PTPRO: variants seen among roughly 807,000 people sequenced by gnomAD.
The protein encoded by PTPRO is receptor-type tyrosine-protein phosphatase O.
A neutral mutation model predicts 145.2 loss-of-function variants in PTPRO; 62 were observed. The ratio of observed to expected loss-of-function variants is 0.43; its 90% CI spans 0.35 to 0.53. The LOEUF (loss-of-function observed/expected upper bound fraction) is 0.53. PTPRO is among the 20% of genes least tolerant of loss of function. PTPRO has a pLI of 0.01. For missense variants in PTPRO, 1,345 were observed against 1,482.7 expected, an observed-to-expected ratio of 0.91 and a Z score of 1.53; for synonymous variants, 565 against 514.7, an observed-to-expected ratio of 1.10 and a Z score of -1.32.
chr12:15,486,192 T>G (rs1941882191), intron 2 of PTPRO, among the ~76,000 whole-genome samples: 2 of 152,242 alleles, frequency 1.3e-5, no homozygotes, highest in African/African-American at 4.8e-5. Flanking sequence ...TATTTTGGTT[T>G]ATGCTTTACA....
In PTPRO at chr12:15,371,928, T is replaced by C. The variant is rs536197692; in HGVS notation, c.75+49127T>C. Among the ~76,000 whole-genome samples, 139 of 152,300 alleles carry C rather than the reference T, an allele frequency of 9.1e-4. 1 individual carries two copies. The highest frequency in any genetic ancestry group is 1.2e-3 in the Non-Finnish European group (81 of 68,024). On this transcript the variant is annotated intron_variant, in intron 1 of 26. Transcript: ENST00000281171. ...TCCACTTCACCTTCTGCTGTGATCG[T>C]AAGTTTCCTGAGGCCTCTCCAGTCA...
At chr12:15,559,479 A>C (rs1943719062) in intron 16 of PTPRO, among the ~76,000 whole-genome samples, 1 of 152,208 alleles carries the variant, frequency 6.6e-6, no homozygotes, top group Non-Finnish European at 1.5e-5. Flanking sequence ...GAAACCAGGC[A>C]TTTAAATCAA....
chr12:15,545,466 A>G (rs1943264802), intron 12 of PTPRO, among the ~76,000 whole-genome samples: 1 of 150,730 alleles, frequency 6.6e-6, no homozygotes, highest in Non-Finnish European at 1.5e-5. Context: ...ACAACATCCA[A>G]AAGACAGGGT....
intron 18 of PTPRO, among the ~76,000 whole-genome samples, chr12:15,568,997 C>T (rs1239200026): frequency 6.6e-6 from 1 of 152,184 alleles, no homozygotes; most frequent in Non-Finnish European, 1.5e-5. Flanking sequence ...AACATTGACT[C>T]TGAAGAGTTA....
intron 1 of PTPRO, among the ~76,000 whole-genome samples, chr12:15,437,711 C>G (rs1348861005): frequency 6.6e-6 from 1 of 152,192 alleles, no homozygotes; most frequent in East Asian, 1.9e-4. Flanking sequence ...ATCTGAAGCA[C>G]CCACTCTCCT....
Position 15,322,833 on chromosome 12 carries a change from CG to C in PTPRO, c.75+34del. ...GAGCTCCTCCACCCCTTTTTCCCAG[CG>C]GTCCGGGCGGCAGCCGCGCTCCGGC... On this transcript the variant is annotated intron_variant, in intron 1 of 26. Coordinates refer to ENST00000281171, the MANE Select transcript of PTPRO (RefSeq NM_030667.3). The surrounding 1 kb of genome is among the most constrained non-coding windows in gnomAD (Gnocchi z 6.3). 6.3e-7 allele frequency: 1 copy of C among 1,597,338 alleles called. No homozygotes were observed. Among genetic ancestry groups the C allele is most frequent in the Non-Finnish European group, 8.5e-7 (1 of 1,171,928 alleles).
At chr12:15,448,889 T>G (rs765229013) in intron 1 of PTPRO, among the ~76,000 whole-genome samples, 2 of 151,998 alleles carry the variant, frequency 1.3e-5, no homozygotes, top group Admixed American at 6.6e-5. Context: ...CAAGACATTA[T>G]GCTAAGTGAA....
intron 1 of PTPRO, among the ~76,000 whole-genome samples, chr12:15,412,062 C>A (rs1481046255): frequency 6.6e-6 from 1 of 152,218 alleles, no homozygotes; most frequent in Non-Finnish European, 1.5e-5. Context: ...TCTCTTCAGA[C>A]CCTGTGTCAG....
At chr12:15,433,333 G>C (rs774054181) in intron 1 of PTPRO, among the ~76,000 whole-genome samples, 16 of 152,008 alleles carry the variant, frequency 1.1e-4, no homozygotes, top group Non-Finnish European at 2.1e-4. Flanking sequence ...GTGCCACCAT[G>C]CTCGGCTAAC....
chr12:15,562,665 C>G (rs532278674), intron 17 of PTPRO, among the ~76,000 whole-genome samples: 1 of 151,882 alleles, frequency 6.6e-6, no homozygotes, highest in African/African-American at 2.4e-5. Flanking sequence ...TTCTGACTTT[C>G]AGAACTTAAG....
chr12:15,406,224 A>G (rs1027260558), intron 1 of PTPRO, among the ~76,000 whole-genome samples: 10 of 152,202 alleles, frequency 6.6e-5, no homozygotes, highest in African/African-American at 2.4e-4. Context: ...CATGCAATCT[A>G]TCTTCTGCTG....
rs552861208 is a variant in PTPRO, at chr12:15,484,007, GATA to G, written c.114_116del (p.Asn39del). 1.7e-4 allele frequency: 280 copies of G among 1,613,450 alleles called. No homozygotes were observed. Among genetic ancestry groups the G allele is most frequent in the Non-Finnish European group, 2.3e-4 (268 of 1,179,574 alleles). ...AGCTTTCCATGTAACTGTCCAAGAT[GATA>G]ATAACATCGTTGTCTCATTAGAAGC... On this transcript the variant is annotated inframe_deletion, in exon 2 of 27. Transcript: ENST00000281171.
At chr12:15,518,338 G>A (rs71459182) in intron 9 of PTPRO, among the ~76,000 whole-genome samples, 1 of 152,184 alleles carries the variant, frequency 6.6e-6, no homozygotes, top group Non-Finnish European at 1.5e-5. Flanking sequence ...CACAGCACAG[G>A]GACCCTGGGC....
intron 4 of PTPRO, among the ~76,000 whole-genome samples, chr12:15,501,339 G>A (rs1591657806): frequency 6.6e-6 from 1 of 152,096 alleles, no homozygotes; most frequent in East Asian, 1.9e-4. Flanking sequence ...TCTGCTTTTA[G>A]AAGTGGTTGA....
At position 15,568,621 on chromosome 12, in the gene PTPRO, G is replaced by GCTC. The variant is rs539158457; in HGVS notation, c.2748-796_2748-795insCTC. Among the ~76,000 whole-genome samples, 527 of 152,268 alleles carry GCTC rather than the reference G, an allele frequency of 3.5e-3. 1 individual carries two copies. Among genetic ancestry groups the GCTC allele is most frequent in the Non-Finnish European group, 5.4e-3 (368 of 68,022 alleles). The stretch of plus-strand genomic sequence containing the variant: ...CTACTTTAGAGAGCAAATTGGTTTA[G>GCTC]GTAGGCTCTAGAGGAGATAAGCAGC... On this transcript the variant is annotated intron_variant, in intron 18 of 26. Transcript: ENST00000281171.
intron 1 of PTPRO, among the ~76,000 whole-genome samples, chr12:15,360,094 G>A (rs762425701): frequency 2.0e-5 from 3 of 152,094 alleles, no homozygotes; most frequent in Non-Finnish European, 2.9e-5. Flanking sequence ...TCAAATGTGG[G>A]CCCTTCCCTC....
chr12:15,506,514 G>A (rs2099867920), intron 6 of PTPRO, among the ~76,000 whole-genome samples: 1 of 152,168 alleles, frequency 6.6e-6, no homozygotes, highest in Non-Finnish European at 1.5e-5. Context: ...GCATGGCCAG[G>A]GAGGTCTCAG....
intron 12 of PTPRO, among the ~76,000 whole-genome samples, chr12:15,541,407 A>G (rs970994881): frequency 1.3e-5 from 2 of 152,142 alleles, no homozygotes; most frequent in African/African-American, 4.8e-5. Context: ...CATATTTGGT[A>G]TTTTGAATAG....
intron 1 of PTPRO, among the ~76,000 whole-genome samples, chr12:15,394,677 T>C (rs1252926810): frequency 6.6e-6 from 1 of 152,208 alleles, no homozygotes; most frequent in Non-Finnish European, 1.5e-5. Context: ...TTTGCTGAAA[T>C]GGGACAAGGT....
Sources: gnomAD v4.1 joint callset for allele counts (sites outside exome capture counted in the v4.1 genomes callset) on GRCh38, gnomAD v4.1.1 for gene constraint, Gnocchi (gnomAD v3.1) non-coding constraint, MANE v1.5 for transcripts, NCBI Gene and HGNC (gene_info 2026-07-23, HGNC 2026-07-21) for gene names.